The following HSD17B12 variants were observed in gnomAD, a reference collection of about 807,000 sequenced individuals.
HSD17B12 encodes the protein hydroxysteroid 17-beta dehydrogenase 12.
In HSD17B12, 32 loss-of-function variants were observed where a neutral mutation model predicts 39.3. The ratio of observed to expected loss-of-function variants is 0.81; its 90% CI spans 0.61 to 1.09. The LOEUF is 1.09. Among genes scored for constraint, HSD17B12 ranks in the 50% least tolerant of loss-of-function variants. The pLI is 0.00. For synonymous variants in HSD17B12, 150 were observed against 146.7 expected, an observed-to-expected ratio of 1.02 and a Z score of -0.16; for missense variants, 342 against 382.9, an observed-to-expected ratio of 0.89 and a Z score of 0.89.
intron 1 of HSD17B12, among the ~76,000 whole-genome samples, chr11:43,736,227 C>G (rs1322014473): frequency 3.9e-5 from 6 of 151,944 alleles, no homozygotes; most frequent in Non-Finnish European, 5.9e-5. Flanking sequence ...ATCGCAGGGC[C>G]TTGCCTGGAA....
At chr11:43,606,090 A>G in the HSD17B12 span, among the ~76,000 whole-genome samples, 1 of 152,232 alleles carries the variant, frequency 6.6e-6, no homozygotes, top group Non-Finnish European at 1.5e-5. Flanking sequence ...TGGTCAGGTC[A>G]ATTCCTAAAA....
At chr11:43,580,239 C>T in the HSD17B12 span, among the ~76,000 whole-genome samples, 5 of 151,732 alleles carry the variant, frequency 3.3e-5, no homozygotes, top group Admixed American at 3.3e-4. Context: ...CTCCTTTCTC[C>T]CCATCTCTAG....
chr11:43,633,708 G>T, the HSD17B12 span, among the ~76,000 whole-genome samples: 1 of 152,092 alleles, frequency 6.6e-6, no homozygotes, highest in African/African-American at 2.4e-5. Flanking sequence ...TGGAAGAGTA[G>T]CTATCAAGAG....
intron 1 of HSD17B12, among the ~76,000 whole-genome samples, chr11:43,702,023 T>C (rs1949969639): frequency 6.6e-6 from 1 of 152,182 alleles, no homozygotes. Flanking sequence ...GTTTTATAGT[T>C]TTTATTATAG....
the HSD17B12 span, among the ~76,000 whole-genome samples, chr11:43,623,061 A>G: frequency 6.6e-6 from 1 of 152,152 alleles, no homozygotes; most frequent in Non-Finnish European, 1.5e-5. Context: ...AATACCAATA[A>G]CAATACCAAC....
intron 3 of HSD17B12, among the ~76,000 whole-genome samples, chr11:43,783,480 G>A (rs1000824502): frequency 1.1e-4 from 16 of 150,448 alleles, no homozygotes; most frequent in Admixed American, 1.1e-3. Flanking sequence ...TTGTTACATA[G>A]GTATACACGT....
the HSD17B12 span, among the ~76,000 whole-genome samples, chr11:43,574,892 A>G: frequency 2.0e-5 from 3 of 152,184 alleles, no homozygotes; most frequent in Non-Finnish European, 4.4e-5. Flanking sequence ...CTACCATTCA[A>G]CAAAAGTTAT....
the HSD17B12 span, among the ~76,000 whole-genome samples, chr11:43,613,403 C>A: frequency 2.0e-5 from 3 of 148,726 alleles, no homozygotes; most frequent in Admixed American, 6.7e-5. Flanking sequence ...AAAAAAAAAA[C>A]AACAAAACAA....
chr11:43,574,154 G>T, the HSD17B12 span, among the ~76,000 whole-genome samples: 21 of 152,220 alleles, frequency 1.4e-4, no homozygotes, highest in Non-Finnish European at 2.5e-4. Flanking sequence ...CCACAGACAG[G>T]AATTGAGGGT....
chr11:43,657,219 G>A, the HSD17B12 span, among the ~76,000 whole-genome samples: 1 of 152,154 alleles, frequency 6.6e-6, no homozygotes, highest in East Asian at 1.9e-4. Flanking sequence ...GATTAAGATT[G>A]CAACCCCTGC....
chr11:43,719,274 T>G (rs1283863506), intron 1 of HSD17B12: 1 of 482,502 alleles, frequency 2.1e-6, no homozygotes, highest in African/African-American at 2.0e-5. Context: ...TGGTCAAGAC[T>G]CTTGTTTTAC....
At chr11:43,767,794 T>C (rs888620776) in intron 3 of HSD17B12, among the ~76,000 whole-genome samples, 2 of 152,160 alleles carry the variant, frequency 1.3e-5, no homozygotes, top group Non-Finnish European at 2.9e-5. Flanking sequence ...AAAAATGATA[T>C]GGAATCAACT....
At chr11:43,738,044 C>A (rs1305702484) in intron 1 of HSD17B12, among the ~76,000 whole-genome samples, 1 of 137,920 alleles carries the variant, frequency 7.3e-6, no homozygotes, top group Non-Finnish European at 1.5e-5. Flanking sequence ...GCGACAGAGC[C>A]AGACTCTGTC....
At chr11:43,777,275 A>G (rs962552566) in intron 3 of HSD17B12, among the ~76,000 whole-genome samples, 21 of 151,974 alleles carry the variant, frequency 1.4e-4, no homozygotes, top group African/African-American at 4.3e-4. Flanking sequence ...ATCCTCTTTT[A>G]TTTCGTTGAG....
the HSD17B12 span, among the ~76,000 whole-genome samples, chr11:43,599,763 T>C: frequency 6.6e-6 from 1 of 152,214 alleles, no homozygotes; most frequent in South Asian, 2.1e-4. Context: ...ATATAGACAC[T>C]CAGATATTAT....
intron 4 of HSD17B12, among the ~76,000 whole-genome samples, chr11:43,813,917 G>A (rs1951096047): frequency 6.6e-6 from 1 of 152,148 alleles, no homozygotes; most frequent in African/African-American, 2.4e-5. Context: ...GCAACTTACA[G>A]CCTCAAGTGA....
chr11:43,722,844 T>A (rs1302833871), intron 1 of HSD17B12, among the ~76,000 whole-genome samples: 1 of 137,434 alleles, frequency 7.3e-6, no homozygotes, highest in Non-Finnish European at 1.6e-5. Flanking sequence ...AAAAAAAAAA[T>A]TAAGAATTCG....
chr11:43,718,981 T>TA (rs1462286002), intron 1 of HSD17B12: 19 of 1,039,928 alleles, frequency 1.8e-5, no homozygotes, highest in Non-Finnish European at 2.5e-5. Context: ...TTGTGGATGT[T>TA]AAAGCCAACA....
In HSD17B12 at chr11:43,750,924, T is replaced by C. The variant is rs1440948089; in HGVS notation, c.174T>C (p.Ser58=). The part of the protein sequence containing the change: ...GLGEWAVVTG[S]TDGIGKSYAE... ...TCCCTTTCCCAGTTGTCACAGGTAGTACTGATGGAATTGGAAAATCATATG... is the reference window on the plus strand; with the variant it reads ...TCCCTTTCCCAGTTGTCACAGGTAGCACTGATGGAATTGGAAAATCATATG... The change falls in exon 2 of 11, where the codon AGT becomes AGC. Residue 58 remains serine (S), a synonymous_variant. Coordinates refer to ENST00000278353, the MANE Select transcript of HSD17B12 (RefSeq NM_016142.3). 1 of 1,602,620 alleles carries C rather than the reference T, an allele frequency of 6.2e-7. No homozygotes were observed. The highest frequency in any genetic ancestry group is 1.1e-5 in the South Asian group (1 of 89,272).
Sources: gnomAD v4.1 joint callset for allele counts (sites outside exome capture counted in the v4.1 genomes callset) on GRCh38, gnomAD v4.1.1 for gene constraint, MANE v1.5 for transcripts, NCBI Gene and HGNC (gene_info 2026-07-23, HGNC 2026-07-21) for gene names.